PCSK7: variants seen among roughly 807,000 people sequenced by gnomAD.
PCSK7 encodes proprotein convertase subtilisin/kexin type 7.
In PCSK7, 38 loss-of-function variants were observed where a neutral mutation model predicts 73.3. The ratio of observed to expected loss-of-function variants is 0.52; its 90% CI spans 0.40 to 0.68. PCSK7 has a LOEUF of 0.68. Among genes scored for constraint, PCSK7 ranks in the 30% least tolerant of loss-of-function variants. PCSK7 has a pLI of 0.00. For synonymous variants in PCSK7, 296 were observed against 383.8 expected (o/e 0.77, Z 2.68); for missense variants, 692 against 991.5 (o/e 0.70, Z 4.06).
chr11:117,213,243 G>A (rs926635735), intron 12 of PCSK7: 2 of 152,164 alleles, frequency 1.3e-5, no homozygotes, highest in Admixed American at 6.5e-5. Context: ...AGTAGGCCTC[G>A]AATATTTGTA....
intron 9 of PCSK7, chr11:117,220,076 A>G (rs1230752906): frequency 1.5e-5 from 3 of 200,426 alleles, no homozygotes; most frequent in African/African-American, 6.9e-5. Context: ...CTTTGACCAG[A>G]GAAGGACCCA....
At position 117,205,544 on chromosome 11, in the gene PCSK7, G is replaced by C. The variant is rs2031317019; in HGVS notation, c.*453C>G. On this transcript the variant is annotated 3_prime_UTR_variant, in exon 17 of 17. Transcript: ENST00000320934. The stretch of plus-strand genomic sequence containing the variant: ...TGGATAATGGAGGCAGCCGCTTTCA[G>C]GACAGGCATGTCCAGGGGCTCCTCC... 4.2e-6 allele frequency: 1 copy of C among 236,270 alleles called. No individual in the cohort carries two copies. Among genetic ancestry groups the C allele is most frequent in the South Asian group, 1.8e-4 (1 of 5,570 alleles). 14.6% of individuals were successfully genotyped at this position (236,270 alleles called of 1,614,324 possible).
At position 117,205,629 on chromosome 11, in the gene PCSK7, G is replaced by A. The variant is rs1334897806; in HGVS notation, c.*368C>T. ...CCCAGTGATGTTTCCATTGAGATGC[G>A]CTCCTGGCTATGGCAGGCACCTTCT... On this transcript the variant is annotated 3_prime_UTR_variant, in exon 17 of 17. Transcript: ENST00000320934. 2 of 252,038 alleles carry A rather than the reference G, an allele frequency of 7.9e-6. No individual in the cohort carries two copies. The highest frequency in any genetic ancestry group is 5.9e-5 in the East Asian group (1 of 17,072). The allele number at this position is 252,038 out of a possible 1,614,324, so 15.6% of individuals were successfully genotyped here.
In PCSK7 at chr11:117,224,601, G is replaced by T. The variant is rs763973136; in HGVS notation, c.915+100C>A. On this transcript the variant is annotated intron_variant, in intron 7 of 16. Transcript: ENST00000320934. Reference sequence around the variant, plus strand: ...TTCTCTTCCTGAAAGGAGACTGAGCGTGGAGGTGGAGTGGGAAGATGGGTC... The same window carrying T: ...TTCTCTTCCTGAAAGGAGACTGAGCTTGGAGGTGGAGTGGGAAGATGGGTC... The T allele has an allele frequency of 1.3e-5, 12 of 950,786 alleles. No individual in the cohort carries two copies. The Admixed American group carries it at 1.4e-4, about 11-fold the overall frequency. 58.9% of individuals were successfully genotyped at this position (950,786 alleles called of 1,614,324 possible). A position where few individuals can be genotyped will look rare whatever the true frequency, so the allele number is the denominator to read the frequency against.
In PCSK7 at chr11:117,229,736, C is replaced by A. The variant is rs2032570734; in HGVS notation, c.109G>T (p.Gly37Cys). 1 of 1,613,846 alleles carries A rather than the reference C, an allele frequency of 6.2e-7. No individual in the cohort carries two copies. The highest frequency in any genetic ancestry group is 1.1e-5 in the South Asian group (1 of 91,088). ...GLFLLVPWVM[G>C]LAGTGGPDGQ... The stretch of plus-strand genomic sequence containing the variant: ...TCAGGCCCACCTGTCCCTGCCAGGC[C>A]CATGACCCAGGGAACCAGTAAGAAG... Residue 37 changes from glycine (G) to cysteine (C), a missense_variant, in exon 3 of 17, where the codon GGC becomes TGC. By Grantham distance (159) the Gly-to-Cys change is radical (BLOSUM62 -3). Coordinates refer to ENST00000320934, the MANE Select transcript of PCSK7 (RefSeq NM_004716.4).
Position 117,207,206 on chromosome 11 carries a change from C to T in PCSK7, c.1787-46G>A, listed in dbSNP as rs757571452. On this transcript the variant is annotated intron_variant, in intron 14 of 16. Coordinates refer to ENST00000320934, the MANE Select transcript of PCSK7 (RefSeq NM_004716.4). ...TCGTGAGCCACGCCCCTCTGTCAGC[C>T]ATGCCAGACAGCAGAGGCCCTGCCC... 4 of 828,828 alleles carry T rather than the reference C, an allele frequency of 4.8e-6. No homozygotes were observed. In the Admixed American group the frequency reaches 7.2e-5, roughly 15 times the overall value. The allele number at this position is 828,828 out of a possible 1,614,324, so 51.3% of individuals were successfully genotyped here.
intron 12 of PCSK7, chr11:117,209,358 T>C: frequency 3.6e-6 from 1 of 280,086 alleles, no homozygotes; most frequent in South Asian, 8.6e-5. Flanking sequence ...TTTCAGGCAC[T>C]GTACTAGATG....
At chr11:117,223,075 T>C (rs2134319983) in intron 9 of PCSK7, 133 bp downstream of exon 9, 1 of 691,170 alleles carries the variant, frequency 1.4e-6, no homozygotes, top group East Asian at 2.5e-5. Flanking sequence ...CCTTAAGACA[T>C]CCAGCTCTGT....
At chr11:117,211,964 A>G (rs2031746687) in intron 12 of PCSK7, 1 of 152,272 alleles carries the variant, frequency 6.6e-6, no homozygotes, top group African/African-American at 2.4e-5. Context: ...GCTAATGTTA[A>G]GGCTACATAT....
At chr11:117,216,297 C>T (rs2031979985) in intron 12 of PCSK7, 1 of 152,140 alleles carries the variant, frequency 6.6e-6, no homozygotes, top group Non-Finnish European at 1.5e-5. Context: ...CAGGGATGTT[C>T]AGCTCCCTCT....
At chr11:117,229,284 G>A (rs561256309) in intron 3 of PCSK7, 93 bp downstream of exon 3, 2 of 940,322 alleles carry the variant, frequency 2.1e-6, no homozygotes, top group Middle Eastern at 3.0e-4. Context: ...GCAAAGGATG[G>A]AGGTGACTGA....
Position 117,228,318 on chromosome 11 carries a change from G to A in PCSK7, c.501C>T (p.Asn167=), listed in dbSNP as rs149669976. Reference sequence around the variant, plus strand: ...CATTGCGTTCCCACACACCCGTCACGTTGATGTCCCTGCCCGGGCTCCGTC... The same window carrying A: ...CATTGCGTTCCCACACACCCGTCACATTGATGTCCCTGCCCGGGCTCCGTC... The part of the protein sequence containing the change: ...NNRRSPGRDI[N]VTGVWERNVT... Residue 167 remains asparagine (N), a synonymous_variant, in exon 4 of 17, where the codon AAC becomes AAT. Coordinates refer to ENST00000320934, the MANE Select transcript of PCSK7 (RefSeq NM_004716.4). 80 of 1,613,862 alleles carry A rather than the reference G, an allele frequency of 5.0e-5. 1 individual carries two copies. The highest frequency in any genetic ancestry group is 1.6e-4 in the Middle Eastern group (1 of 6,082).
chr11:117,215,387 T>TATATATATATAC (rs1294474312), intron 12 of PCSK7: 8 of 78,050 alleles, frequency 1.0e-4, no homozygotes, highest in Non-Finnish European at 6.2e-5. Flanking sequence ...TGTGTATATA[T>TATATATATATAC]ATATATATAT....
intron 1 of PCSK7, chr11:117,231,224 C>G (rs2032649529): frequency 6.6e-6 from 1 of 152,132 alleles, no homozygotes; most frequent in Non-Finnish European, 1.5e-5. Flanking sequence ...GGCTCTACCT[C>G]AAAGCATTCC....
intron 12 of PCSK7, chr11:117,217,279 C>T (rs1591796070): frequency 6.6e-6 from 1 of 152,308 alleles, no homozygotes; most frequent in African/African-American, 2.4e-5. Context: ...AAGTCACTGC[C>T]CTCATTTGAC....
chr11:117,229,338 C>A (rs1463960322), intron 3 of PCSK7, 39 bp downstream of exon 3: 1 of 1,490,828 alleles, frequency 6.7e-7, no homozygotes, highest in Non-Finnish European at 9.2e-7. Context: ...GGACTGGAAC[C>A]TACCCACCTG....
At chr11:117,217,042 G>C (rs950899638) in intron 12 of PCSK7, 1 of 152,086 alleles carries the variant, frequency 6.6e-6, no homozygotes, top group Admixed American at 6.6e-5. Flanking sequence ...GGCTCCATTA[G>C]CCAAACTCCC....
Position 117,223,299 on chromosome 11 carries a change from T to A in PCSK7, c.1064A>T (p.Asp355Val). The change falls in exon 9 of 17, where the codon GAT becomes GTT. Residue 355 changes from aspartate (D) to valine (V), a missense_variant. Around this residue, in one of 6 missense-constraint regions of PCSK7, gnomAD observed 574 missense variants for 689.8 expected, o/e 0.83. Coordinates refer to ENST00000320934, the MANE Select transcript of PCSK7 (RefSeq NM_004716.4). Reference protein sequence around the residue: ...SIYTVTIGAVDEEGRMPFYAE... With the variant: ...SIYTVTIGAVVEEGRMPFYAE... ...ATAGAAAGGCATGCGTCCCTCCTCA[T>A]CCACAGCTCCTAGGGACAGAGGAGG... The A allele has an allele frequency of 6.2e-7, 1 of 1,603,952 alleles. No homozygotes were observed. The highest frequency in any genetic ancestry group is 8.5e-7 in the Non-Finnish European group (1 of 1,170,884).
chr11:117,227,567 C>T (rs992074942), intron 4 of PCSK7, among the ~76,000 whole-genome samples: 2 of 152,272 alleles, frequency 1.3e-5, no homozygotes, highest in South Asian at 4.1e-4. Context: ...CTCAGCCTCC[C>T]GAGTGGCTGG....
Sources: gnomAD v4.1 joint callset for allele counts (sites outside exome capture counted in the v4.1 genomes callset) on GRCh38, gnomAD v4.1.1 for gene constraint, gnomAD v4.1.1 regional missense constraint, MANE v1.5 for transcripts, NCBI Gene and HGNC (gene_info 2026-07-23, HGNC 2026-07-21) for gene names.